The following ECT2L variants were observed in gnomAD, a reference collection of about 807,000 sequenced individuals.
ECT2L encodes epithelial cell-transforming sequence 2 oncogene-like.
In ECT2L, 126 loss-of-function variants were observed where a neutral mutation model predicts 122.8. That is an observed-to-expected ratio of 1.03 (90% CI 0.89 to 1.19). The LOEUF (loss-of-function observed/expected upper bound fraction) is 1.19, where lower values mean the gene tolerates loss of function less well. ECT2L is among the 50% of genes most tolerant of loss of function. The pLI is 0.00. For synonymous variants in ECT2L, 385 were observed against 381.8 expected, an observed-to-expected ratio of 1.01 and a Z score of -0.10; for missense variants, 1,012 against 1,064.1, an observed-to-expected ratio of 0.95 and a Z score of 0.68.
At chr6:138,815,349 T>C (rs1776031135) in intron 4 of ECT2L, among the ~76,000 whole-genome samples, 1 of 152,228 alleles carries the variant, frequency 6.6e-6, no homozygotes. Flanking sequence ...AAACGGATTC[T>C]CTTTCGTGAA....
intron 8 of ECT2L, among the ~76,000 whole-genome samples, chr6:138,847,185 G>C (rs930834290): frequency 6.6e-6 from 1 of 150,948 alleles, no homozygotes; most frequent in Non-Finnish European, 1.5e-5. Context: ...CATGAGAATC[G>C]CTTGAACCCA....
chr6:138,844,502 C>T lies in ECT2L; in HGVS notation c.686C>T (p.Thr229Ile). The T allele has an allele frequency of 1.9e-6, 3 of 1,614,162 alleles. No homozygotes were observed. The highest frequency in any genetic ancestry group is 2.5e-6 in the Non-Finnish European group (3 of 1,180,016). Residue 229 changes from threonine to isoleucine, a missense_variant, in exon 7 of 22, where the codon ACT (threonine) becomes ATT (isoleucine). Coordinates refer to ENST00000541398, the MANE Select transcript of ECT2L (RefSeq NM_001077706.3). ...AGATGCCAACCACGCCTCTCCCAGA[C>T]TGTAAGGGAGCGAGTGGGATTACAT... ...KPRCQPRLSQ[T>I]VRERVGLHEA... is the part of the protein sequence containing the mutation.
rs754304755 is a variant in ECT2L at position 138,901,085 on chromosome 6, A to G, written c.2552A>G (p.His851Arg). The change falls in exon 21 of 22, where the codon CAT (histidine) becomes CGT (arginine). Residue 851 changes from histidine (H) to arginine (R), a missense_variant. By Grantham distance (29) the His-to-Arg change is conservative (BLOSUM62 0). Transcript: ENST00000541398. ...CAGTTCATTGCATCAGTGGCCCTTCATCGGTTACTCATAGAAAATATTCCA... is the reference window on the plus strand; with the variant it reads ...CAGTTCATTGCATCAGTGGCCCTTCGTCGGTTACTCATAGAAAATATTCCA... ...TYQFIASVALHRLLIENIPDS... is the reference protein window; with the variant it reads ...TYQFIASVALRRLLIENIPDS... 3.8e-5 allele frequency: 61 copies of G among 1,614,018 alleles called. No individual in the cohort carries two copies. The Admixed American group carries it at 6.0e-4, about 16-fold the overall frequency.
At chr6:138,869,488 T>A (rs1778167867) in intron 13 of ECT2L, among the ~76,000 whole-genome samples, 1 of 152,166 alleles carries the variant, frequency 6.6e-6, no homozygotes, top group South Asian at 2.1e-4. Context: ...GAAGCTGCAT[T>A]AGCTGTAGTT....
intron 4 of ECT2L, among the ~76,000 whole-genome samples, chr6:138,816,606 T>C (rs1023999538): frequency 1.3e-5 from 2 of 152,014 alleles, no homozygotes; most frequent in African/African-American, 4.8e-5. Flanking sequence ...TGCCTCAGCC[T>C]CCTGAGTAGC....
chr6:138,891,360 T>C (rs187511739), intron 20 of ECT2L, among the ~76,000 whole-genome samples: 2 of 152,350 alleles, frequency 1.3e-5, no homozygotes, highest in Admixed American at 1.3e-4. Context: ...TTCCAGGTCT[T>C]TTCCTGATCC....
intron 4 of ECT2L, among the ~76,000 whole-genome samples, chr6:138,817,203 T>C (rs1478644400): frequency 6.6e-6 from 1 of 152,232 alleles, no homozygotes; most frequent in Non-Finnish European, 1.5e-5. Context: ...CCTCAGTTGA[T>C]TATTGTAAAT....
chr6:138,798,703 A>C (rs1420680819), intron 1 of ECT2L, among the ~76,000 whole-genome samples: 1 of 152,242 alleles, frequency 6.6e-6, no homozygotes, highest in African/African-American at 2.4e-5. Context: ...GTGTATTTCC[A>C]AATACATCCG....
At chr6:138,873,772 C>T (rs920185578) in intron 13 of ECT2L, among the ~76,000 whole-genome samples, 6 of 151,698 alleles carry the variant, frequency 4.0e-5, no homozygotes, top group African/African-American at 7.3e-5. Flanking sequence ...CCAGCCTGGG[C>T]GACAAGAGCA....
At chr6:138,862,744 C>T (rs1279645382) in intron 11 of ECT2L, 25 bp downstream of exon 11, 1 of 1,594,566 alleles carries the variant, frequency 6.3e-7, no homozygotes. Context: ...AGCTGAGCGC[C>T]ACGTCCAATA....
At position 138,902,392 on chromosome 6, in the gene ECT2L, T is replaced by C. The variant is rs964561229; in HGVS notation, c.2588-108T>C. ...TCTACACTGAATATGTATTTCTTTT[T>C]AGGTTTTAAAAAATTCTTAAAGATG... On this transcript the variant is annotated intron_variant, in intron 21 of 21. Coordinates refer to ENST00000541398, the MANE Select transcript of ECT2L (RefSeq NM_001077706.3). The C allele has an allele frequency of 3.1e-4, 311 of 1,005,088 alleles. 1 individual carries two copies. The highest frequency in any genetic ancestry group is 4.4e-4 in the Non-Finnish European group (298 of 683,230). 62.3% of individuals were successfully genotyped at this position (1,005,088 alleles called of 1,614,324 possible).
At chr6:138,820,275 G>A (rs1394225073) in intron 4 of ECT2L, among the ~76,000 whole-genome samples, 1 of 152,094 alleles carries the variant, frequency 6.6e-6, no homozygotes, top group Non-Finnish European at 1.5e-5. Flanking sequence ...GAGACATAAG[G>A]GTGGAGAGTC....
At chr6:138,832,517 G>A (rs1311945993) in intron 4 of ECT2L, among the ~76,000 whole-genome samples, 1 of 152,130 alleles carries the variant, frequency 6.6e-6, no homozygotes, top group Non-Finnish European at 1.5e-5. Context: ...TCTCTAATGT[G>A]CCAGGAGATT....
At chr6:138,855,143 A>G (rs1458650263) in intron 10 of ECT2L, among the ~76,000 whole-genome samples, 1 of 152,114 alleles carries the variant, frequency 6.6e-6, no homozygotes, top group East Asian at 1.9e-4. Context: ...ATTGTTTTAA[A>G]CATGTAAATT....
chr6:138,841,842 A>G (rs1281852083), intron 5 of ECT2L, among the ~76,000 whole-genome samples: 1 of 152,196 alleles, frequency 6.6e-6, no homozygotes, highest in African/African-American at 2.4e-5. Context: ...GTATTTCATC[A>G]GTTCAAACCA....
At chr6:138,819,686 C>G (rs1776203131) in intron 4 of ECT2L, among the ~76,000 whole-genome samples, 1 of 151,972 alleles carries the variant, frequency 6.6e-6, no homozygotes, top group Non-Finnish European at 1.5e-5. Flanking sequence ...TTTGGTAGCT[C>G]TCTAGGAGGA....
chr6:138,813,743 G>A (rs1775979569), intron 3 of ECT2L, among the ~76,000 whole-genome samples: 1 of 152,166 alleles, frequency 6.6e-6, no homozygotes, highest in African/African-American at 2.4e-5. Flanking sequence ...GCCTGGGGAT[G>A]CCTCTCCTAT....
intron 13 of ECT2L, among the ~76,000 whole-genome samples, chr6:138,870,712 T>C (rs1778223116): frequency 6.6e-6 from 1 of 152,070 alleles, no homozygotes; most frequent in East Asian, 1.9e-4. Context: ...AAAAAATGGG[T>C]TTAAAGCGAG....
intron 20 of ECT2L, among the ~76,000 whole-genome samples, chr6:138,896,930 G>A (rs1779238435): frequency 6.6e-6 from 1 of 152,136 alleles, no homozygotes; most frequent in South Asian, 2.1e-4. Flanking sequence ...ACAGGTGTGA[G>A]CCACCGCACC....
Sources: allele counts gnomAD v4.1 joint callset (sites outside exome capture counted in the v4.1 genomes callset), GRCh38; gene constraint gnomAD v4.1.1; transcripts MANE v1.5; gene names NCBI Gene and HGNC (gene_info 2026-07-23, HGNC 2026-07-21).